Variants in SYT9 observed in about 807,000 individuals in gnomAD.
The protein encoded by SYT9 is synaptotagmin 9.
Under a neutral mutation model 48.4 loss-of-function variants are expected in SYT9, and 22 were observed. The ratio of observed to expected loss-of-function variants is 0.45; its 90% confidence interval spans 0.32 to 0.65. SYT9 has a LOEUF of 0.65. Ranked by LOEUF, SYT9 falls within the 30% of genes least tolerant of loss-of-function variation. SYT9 has a pLI of 0.03. For synonymous variants in SYT9, 265 were observed against 245.0 expected (o/e 1.08, Z -0.76); for missense variants, 577 against 622.0 (o/e 0.93, Z 0.77).
intron 3 of SYT9, among the ~76,000 whole-genome samples, chr11:7,333,973 G>T (rs892586625): frequency 6.6e-6 from 1 of 152,190 alleles, no homozygotes. Context: ...CAGAGGAAAC[G>T]TAGGCAAGCG....
Position 7,264,366 on chromosome 11 carries a change from T to C in SYT9, c.145+12035T>C, listed in dbSNP as rs1848135069. ...ATAGGTGTGTGTGTTTCTTCCATGTTCAGCTCTTTTTTTTGCAGGCATGGA... is the reference window on the plus strand; with the variant it reads ...ATAGGTGTGTGTGTTTCTTCCATGTCCAGCTCTTTTTTTTGCAGGCATGGA... On this transcript the variant is annotated intron_variant, in intron 1 of 6. Transcript: ENST00000318881. Among the ~76,000 whole-genome samples, 2 of 152,170 alleles carry C rather than the reference T, an allele frequency of 1.3e-5. 1 individual carries two copies. Among genetic ancestry groups the C allele is most frequent in the South Asian group, 4.1e-4 (2 of 4,834 alleles).
intron 1 of SYT9, among the ~76,000 whole-genome samples, chr11:7,270,873 A>G (rs1251403255): frequency 2.1e-5 from 3 of 143,010 alleles, no homozygotes; most frequent in African/African-American, 7.8e-5. Flanking sequence ...ACACACACAC[A>G]TAATGTGGAG....
At chr11:7,274,868 C>T (rs1042080162) in intron 1 of SYT9, among the ~76,000 whole-genome samples, 1 of 152,142 alleles carries the variant, frequency 6.6e-6, no homozygotes, top group African/African-American at 2.4e-5. Flanking sequence ...AGTGGGTCCC[C>T]AACCTCTTCC....
At chr11:7,421,956 G>T (rs1847364342) in intron 6 of SYT9, among the ~76,000 whole-genome samples, 1 of 152,190 alleles carries the variant, frequency 6.6e-6, no homozygotes. Flanking sequence ...CTCTCAATAA[G>T]TAAAGAGAAC....
intron 3 of SYT9, among the ~76,000 whole-genome samples, chr11:7,398,763 C>T (rs1390118594): frequency 6.6e-6 from 1 of 152,082 alleles, no homozygotes; most frequent in Non-Finnish European, 1.5e-5. Context: ...ATGTTGAGTG[C>T]CAACAAATGG....
At chr11:7,396,949 G>A (rs1315109557) in intron 3 of SYT9, among the ~76,000 whole-genome samples, 1 of 152,046 alleles carries the variant, frequency 6.6e-6, no homozygotes, top group Non-Finnish European at 1.5e-5. Flanking sequence ...CATGTGGCCT[G>A]CCCTTCCCCT....
At chr11:7,459,244 G>A (rs865940422) in intron 6 of SYT9, among the ~76,000 whole-genome samples, 5 of 152,164 alleles carry the variant, frequency 3.3e-5, no homozygotes, top group Admixed American at 1.3e-4. Context: ...AGCAACTATT[G>A]GATATCCATA....
intron 3 of SYT9, among the ~76,000 whole-genome samples, chr11:7,367,097 T>TTTC (rs1850263879): frequency 7.7e-6 from 1 of 129,448 alleles, no homozygotes; most frequent in Non-Finnish European, 1.6e-5. Context: ...TTTTTTTTTT[T>TTTC]TCGAGACGGA....
intron 1 of SYT9, among the ~76,000 whole-genome samples, chr11:7,266,069 TCCCAA>T: frequency 6.6e-6 from 1 of 152,098 alleles, no homozygotes; most frequent in African/African-American, 2.4e-5. Flanking sequence ...ATTCAGAGGA[TCCCAA>T]GTTAAACATA....
chr11:7,378,714 A>T (rs1850501561), intron 3 of SYT9, among the ~76,000 whole-genome samples: 1 of 151,790 alleles, frequency 6.6e-6, no homozygotes, highest in Non-Finnish European at 1.5e-5. Context: ...TTTCTTTATG[A>T]TTGTTCATAC....
At chr11:7,404,034 C>A (rs1285497720) in intron 3 of SYT9, among the ~76,000 whole-genome samples, 1 of 152,008 alleles carries the variant, frequency 6.6e-6, no homozygotes, top group African/African-American at 2.4e-5. Flanking sequence ...CTATTTGTCC[C>A]TGGTAATATT....
chr11:7,366,096 C>T (rs180746969), intron 3 of SYT9, among the ~76,000 whole-genome samples: 3 of 152,330 alleles, frequency 2.0e-5, no homozygotes, highest in African/African-American at 7.2e-5. Flanking sequence ...CATGACTCTC[C>T]AATCCTGGCT....
At chr11:7,328,980 T>C (rs888558510) in intron 3 of SYT9, among the ~76,000 whole-genome samples, 1 of 152,204 alleles carries the variant, frequency 6.6e-6, no homozygotes, top group African/African-American at 2.4e-5. Flanking sequence ...TGTGCCATAC[T>C]TCGAGACTTC....
chr11:7,290,562 A>G (rs545207365), intron 1 of SYT9, among the ~76,000 whole-genome samples: 28 of 152,344 alleles, frequency 1.8e-4, no homozygotes, highest in African/African-American at 6.7e-4. Context: ...GTATATGTAT[A>G]TATACTTAAA....
intron 1 of SYT9, among the ~76,000 whole-genome samples, chr11:7,263,956 GGA>G (rs975154231): frequency 6.6e-6 from 1 of 152,156 alleles, no homozygotes; most frequent in Non-Finnish European, 1.5e-5. Context: ...TTTGTATGCT[GGA>G]GAGAGGGAAA....
In SYT9 at chr11:7,467,173, CAT is replaced by C. The variant is rs1324690000; in HGVS notation, c.*375_*376del. The C allele has an allele frequency of 2.3e-5, 5 of 214,066 alleles. No homozygotes were observed. Among genetic ancestry groups the C allele is most frequent in the Non-Finnish European group, 4.6e-5 (5 of 108,662 alleles). The allele number at this position is 214,066 out of a possible 1,614,324, so 13.3% of individuals were successfully genotyped here. A position where few individuals can be genotyped will look rare whatever the true frequency, so the allele number is the denominator to read the frequency against. On this transcript the variant is annotated 3_prime_UTR_variant, in exon 7 of 7. Transcript: ENST00000318881. The stretch of plus-strand genomic sequence containing the variant: ...TCTGCCCTGGAAATCGTTATTCCAA[CAT>C]AATATTATTTTCTAGAATGCCCTGG...
chr11:7,392,651 C>G (rs537145690), intron 3 of SYT9, among the ~76,000 whole-genome samples: 23 of 152,098 alleles, frequency 1.5e-4, no homozygotes, highest in Admixed American at 3.9e-4. Context: ...AATGACATTG[C>G]TAGTTTGATA....
intron 5 of SYT9, among the ~76,000 whole-genome samples, chr11:7,418,573 C>G (rs1847294092): frequency 6.6e-6 from 1 of 152,238 alleles, no homozygotes; most frequent in Non-Finnish European, 1.5e-5. Flanking sequence ...TAACTTCAAT[C>G]TTTTTCCTTC....
At chr11:7,305,063 T>C (rs1020695044) in intron 2 of SYT9, among the ~76,000 whole-genome samples, 2 of 152,160 alleles carry the variant, frequency 1.3e-5, no homozygotes, top group African/African-American at 4.8e-5. Context: ...ATATTTATAC[T>C]GGGAAAGTAT....
Sources: allele counts gnomAD v4.1 joint callset (sites outside exome capture counted in the v4.1 genomes callset), GRCh38; gene constraint gnomAD v4.1.1; transcripts MANE v1.5; gene names NCBI Gene and HGNC (gene_info 2026-07-23, HGNC 2026-07-21).